The following PKIA variants were observed in gnomAD, a reference collection of about 807,000 sequenced individuals.
PKIA encodes PKI-alpha.
PKIA carries 4 observed loss-of-function variants against 7.6 expected under a neutral mutation model. The ratio of observed to expected loss-of-function variants is 0.52; its 90% CI spans 0.26 to 1.20. The LOEUF (loss-of-function observed/expected upper bound fraction) is 1.20. Ranked by LOEUF, PKIA falls within the 50% of genes most tolerant of loss-of-function variation. The pLI, the probability that PKIA is intolerant of heterozygous loss-of-function variation, is 0.13. For synonymous variants in PKIA, 21 were observed against 30.7 expected (o/e 0.68, Z 1.04); for missense variants, 73 against 86.2 (o/e 0.85, Z 0.61).
chr8:78,581,159 C>T (rs997158441), intron 2 of PKIA, among the ~76,000 whole-genome samples: 1 of 151,958 alleles, frequency 6.6e-6, no homozygotes, highest in Non-Finnish European at 1.5e-5. Flanking sequence ...GACCCTAGAA[C>T]ATATTGTTCC....
intron 2 of PKIA, among the ~76,000 whole-genome samples, chr8:78,596,181 G>A (rs1355503782): frequency 6.6e-6 from 1 of 151,802 alleles, no homozygotes; most frequent in Non-Finnish European, 1.5e-5. Flanking sequence ...AGAAGTGTCT[G>A]TTCATATCCA....
At chr8:78,521,159 C>A (rs532447997) in intron 1 of PKIA, among the ~76,000 whole-genome samples, 1 of 152,078 alleles carries the variant, frequency 6.6e-6, no homozygotes, top group African/African-American at 2.4e-5. Context: ...TATTGTACTA[C>A]CACATATGTG....
chr8:78,598,639 T>C (rs1808283501), intron 3 of PKIA, 104 bp downstream of exon 3: 2 of 846,356 alleles, frequency 2.4e-6, no homozygotes, highest in Non-Finnish European at 3.8e-6. Context: ...TAATCTAATG[T>C]AAAGAGTTTT....
At chr8:78,564,229 A>G (rs1410003076) in intron 1 of PKIA, among the ~76,000 whole-genome samples, 1 of 152,038 alleles carries the variant, frequency 6.6e-6, no homozygotes, top group African/African-American at 2.4e-5. Flanking sequence ...GAAAGAATTT[A>G]CTGGTTAGTC....
intron 1 of PKIA, among the ~76,000 whole-genome samples, chr8:78,570,479 C>G (rs1025585930): frequency 2.0e-5 from 3 of 152,180 alleles, no homozygotes; most frequent in African/African-American, 7.2e-5. Context: ...ACTAAACTTT[C>G]TGTGTCTAGG....
intron 2 of PKIA, among the ~76,000 whole-genome samples, chr8:78,594,356 T>G (rs2130264463): frequency 6.7e-6 from 1 of 149,908 alleles, no homozygotes; most frequent in Admixed American, 6.6e-5. Flanking sequence ...GAGCAAGTGG[T>G]TGAAGTTAAA....
chr8:78,588,449 C>T (rs1171629960), intron 2 of PKIA, among the ~76,000 whole-genome samples: 8 of 152,150 alleles, frequency 5.3e-5, no homozygotes, highest in African/African-American at 1.9e-4. Flanking sequence ...CACGGCACTC[C>T]AGCCTGGGTA....
chr8:78,537,538 C>T (rs558479279), intron 1 of PKIA, among the ~76,000 whole-genome samples: 9 of 152,108 alleles, frequency 5.9e-5, no homozygotes, highest in East Asian at 3.9e-4. Context: ...TGTTTCTATG[C>T]GATAACCGAT....
chr8:78,581,436 A>G (rs538645754), intron 2 of PKIA, among the ~76,000 whole-genome samples: 105 of 152,222 alleles, frequency 6.9e-4, no homozygotes, highest in African/African-American at 1.9e-3. Context: ...AAAAAGAAAT[A>G]AATAACTTTA....
chr8:78,526,150 C>T (rs371238875), intron 1 of PKIA, among the ~76,000 whole-genome samples: 23 of 152,156 alleles, frequency 1.5e-4, no homozygotes, highest in African/African-American at 4.8e-4. Context: ...TTCTACCCCT[C>T]CCCATGTAAG....
At chr8:78,598,007 G>A (rs1808264289) in intron 2 of PKIA, among the ~76,000 whole-genome samples, 1 of 150,554 alleles carries the variant, frequency 6.6e-6, no homozygotes, top group Admixed American at 6.6e-5. Flanking sequence ...TAAAAACTGA[G>A]TACAAATGGA....
At chr8:78,550,909 G>A (rs920491485) in intron 1 of PKIA, among the ~76,000 whole-genome samples, 1 of 151,972 alleles carries the variant, frequency 6.6e-6, no homozygotes, top group African/African-American at 2.4e-5. Flanking sequence ...GAGAACATAC[G>A]ATGTTTGGTT....
chr8:78,557,844 CCTT>C (rs778513310), intron 1 of PKIA, among the ~76,000 whole-genome samples: 5 of 124,596 alleles, frequency 4.0e-5, no homozygotes, highest in Non-Finnish European at 3.4e-5. Flanking sequence ...TGTTGCTTGT[CCTT>C]CTCCGGGATG....
chr8:78,527,576 AT>A (rs1806275718), intron 1 of PKIA, among the ~76,000 whole-genome samples: 1 of 152,038 alleles, frequency 6.6e-6, no homozygotes, highest in African/African-American at 2.4e-5. Context: ...TTATGAGAAT[AT>A]GTTTAAGATT....
chr8:78,546,314 C>A (rs894391499), intron 1 of PKIA, among the ~76,000 whole-genome samples: 44 of 149,480 alleles, frequency 2.9e-4, no homozygotes, highest in African/African-American at 1.1e-3. Flanking sequence ...AGATATAGGA[C>A]CATATAGTTA....
intron 1 of PKIA, among the ~76,000 whole-genome samples, chr8:78,544,937 G>A (rs1385726964): frequency 1.3e-5 from 2 of 151,918 alleles, no homozygotes; most frequent in Non-Finnish European, 2.9e-5. Flanking sequence ...AGTAATAGAG[G>A]CCTGATTAAA....
At chr8:78,530,162 T>C (rs1010033885) in intron 1 of PKIA, among the ~76,000 whole-genome samples, 3 of 152,070 alleles carry the variant, frequency 2.0e-5, no homozygotes, top group Admixed American at 1.3e-4. Flanking sequence ...ATTGTCTTAT[T>C]GGACAATACC....
intron 1 of PKIA, chr8:78,534,132 GAA>G (rs1806458518): frequency 6.6e-6 from 1 of 152,084 alleles, no homozygotes; most frequent in Non-Finnish European, 1.5e-5. Context: ...AATATTTCAA[GAA>G]ACTAACCATC....
At position 78,601,834 on chromosome 8, in the gene PKIA, AC is replaced by A; in HGVS notation, c.*16del. 1 of 1,581,424 alleles carries A rather than the reference AC, an allele frequency of 6.3e-7. No homozygotes were observed. The highest frequency in any genetic ancestry group is 1.3e-5 in the African/African-American group (1 of 74,270). On this transcript the variant is annotated 3_prime_UTR_variant, in exon 4 of 4. Coordinates refer to ENST00000396418, the MANE Select transcript of PKIA (RefSeq NM_006823.4). ...ATCTGAAAGCTAACACCCCACTTTG[AC>A]CCTCGACCACACCTGAAAATGTCTC...
Sources: allele counts gnomAD v4.1 joint callset (sites outside exome capture counted in the v4.1 genomes callset), GRCh38; gene constraint gnomAD v4.1.1; transcripts MANE v1.5; gene names NCBI Gene and HGNC (gene_info 2026-07-23, HGNC 2026-07-21).